ACSM2A: variants seen among roughly 807,000 people sequenced by gnomAD.
ACSM2A encodes acyl-coenzyme A synthetase ACSM2A, mitochondrial.
In ACSM2A, 72 loss-of-function variants were observed where a neutral mutation model predicts 76.6. The observed-to-expected ratio is 0.94, with a 90% CI of 0.78 to 1.14. The LOEUF is 1.14. ACSM2A is among the 50% of genes most tolerant of loss of function. The pLI, the probability that ACSM2A is intolerant of heterozygous loss-of-function variation, is 0.00. For missense variants in ACSM2A, 684 were observed against 708.5 expected (o/e 0.97, Z 0.39); for synonymous variants, 249 against 255.9 (o/e 0.97, Z 0.26).
At chr16:20,467,901 A>G (rs759684595) in intron 3 of ACSM2A, among the ~76,000 whole-genome samples, 15 of 152,086 alleles carry the variant, frequency 9.9e-5, no homozygotes, top group Non-Finnish European at 2.2e-4. Context: ...AACCTCCTTC[A>G]CAAACTGCCC....
intron 13 of ACSM2A, 146 bp downstream of exon 13, chr16:20,483,323 A>C (rs568574847): frequency 1.5e-6 from 2 of 1,331,858 alleles, no homozygotes. Context: ...TAATCCCAGC[A>C]CTTTGGGAGG....
Position 20,475,485 on chromosome 16 carries a change from C to T in ACSM2A, c.974+44C>T, listed in dbSNP as rs539620899. 8 of 1,610,510 alleles carry T rather than the reference C, an allele frequency of 5.0e-6. No individual in the cohort carries two copies. In the Admixed American group the frequency reaches 8.4e-5, roughly 17 times the overall value. ...TTGGTAAGAGAGTCTGGCCCCATCC[C>T]CCTGACTCCCTCACATACATTCATG... On this transcript the variant is annotated intron_variant, in intron 7 of 13. Coordinates refer to ENST00000573854, the MANE Select transcript of ACSM2A (RefSeq NM_001308172.2).
At chr16:20,464,832 G>A (rs1189340512) in intron 2 of ACSM2A, among the ~76,000 whole-genome samples, 3 of 152,130 alleles carry the variant, frequency 2.0e-5, no homozygotes, top group Non-Finnish European at 4.4e-5. Flanking sequence ...TTTCATTTTG[G>A]ATGATGAAAA....
At chr16:20,452,663 AT>A (rs1452069683) in intron 1 of ACSM2A, among the ~76,000 whole-genome samples, 5 of 143,724 alleles carry the variant, frequency 3.5e-5, no homozygotes, top group African/African-American at 1.3e-4. Context: ...ACTAATACAG[AT>A]TTTGGTACCA....
chr16:20,466,222 C>T (rs1288722840), intron 3 of ACSM2A, among the ~76,000 whole-genome samples: 2 of 152,100 alleles, frequency 1.3e-5, no homozygotes, highest in African/African-American at 4.8e-5. Flanking sequence ...AAAATATTTA[C>T]TATTTGGCCC....
At chr16:20,478,118 A>G (rs2013855363) in intron 9 of ACSM2A, among the ~76,000 whole-genome samples, 1 of 152,200 alleles carries the variant, frequency 6.6e-6, no homozygotes, top group Non-Finnish European at 1.5e-5. Context: ...CCCCTTTCTT[A>G]GTATCTTATT....
At chr16:20,462,357 T>C (rs910368902) in intron 2 of ACSM2A, among the ~76,000 whole-genome samples, 7 of 152,028 alleles carry the variant, frequency 4.6e-5, no homozygotes, top group South Asian at 2.1e-4. Flanking sequence ...AAGAAGGGAG[T>C]TGGTTTCAGG....
chr16:20,483,223 T>A (rs1343289935), intron 13 of ACSM2A, 46 bp downstream of exon 13: 4 of 1,603,892 alleles, frequency 2.5e-6, no homozygotes, highest in Non-Finnish European at 3.4e-6. Context: ...AGAAATAGAT[T>A]GTTTTCCTGT....
Position 20,475,970 on chromosome 16 carries a change from A to G in ACSM2A, c.1098+197A>G, listed in dbSNP as rs1045937017. 6 of 1,318,778 alleles carry G rather than the reference A, an allele frequency of 4.5e-6. No homozygotes were observed. The African/African-American group carries it at 7.5e-5, about 16-fold the overall frequency. The allele number at this position is 1,318,778 out of a possible 1,614,324, so 81.7% of individuals were successfully genotyped here. On this transcript the variant is annotated intron_variant, in intron 8 of 13. Coordinates refer to ENST00000573854, the MANE Select transcript of ACSM2A (RefSeq NM_001308172.2). ...AGGCAAAGTTCCTGTTTTCTGGGAG[A>G]TTACATTCCAGTGAGATTTGGGGAG...
At chr16:20,469,269 A>G (rs1434623116) in intron 3 of ACSM2A, among the ~76,000 whole-genome samples, 2 of 152,180 alleles carry the variant, frequency 1.3e-5, no homozygotes, top group East Asian at 3.9e-4. Context: ...CAACAATGTG[A>G]CATTAGCAAT....
chr16:20,477,173 A>T (rs1205716305), intron 8 of ACSM2A, 196 bp from the exon 9 acceptor site: 2 of 993,446 alleles, frequency 2.0e-6, no homozygotes, highest in African/African-American at 1.6e-5. Context: ...TGCTTCCTGA[A>T]CTAACAATTT....
chr16:20,484,216 C>T lies in ACSM2A; in HGVS notation c.1629+1039C>T, dbSNP rs183371367. Among the ~76,000 whole-genome samples, 321 of 149,832 alleles carry T rather than the reference C, an allele frequency of 2.1e-3. 4 individuals carry two copies. Among genetic ancestry groups the T allele is most frequent in the Middle Eastern group, 0.014 (4 of 292 alleles). On this transcript the variant is annotated intron_variant, in intron 13 of 13. Transcript: ENST00000573854. ...GGGAGAGAGCTGCCCTACCCCATGA[C>T]ATGGACTGAGAGGGAGGGGTGGCTC...
chr16:20,463,063 C>T (rs2012729475), intron 2 of ACSM2A, among the ~76,000 whole-genome samples: 1 of 122,714 alleles, frequency 8.1e-6, no homozygotes, highest in African/African-American at 3.3e-5. Context: ...AGGGGAACAT[C>T]ACACACTGGG....
intron 1 of ACSM2A, among the ~76,000 whole-genome samples, chr16:20,455,160 A>T (rs1166445394): frequency 9.9e-5 from 15 of 151,242 alleles, no homozygotes; most frequent in African/African-American, 2.4e-4. Context: ...TTAAATGATC[A>T]AATCTAAGAA....
In ACSM2A at chr16:20,487,038, G is replaced by A. The variant is rs2014417337; in HGVS notation, c.*360G>A. The A allele has an allele frequency of 1.8e-5, 3 of 170,420 alleles. No individual in the cohort carries two copies. Among genetic ancestry groups the A allele is most frequent in the Non-Finnish European group, 2.5e-5 (2 of 81,266 alleles). 10.6% of individuals were successfully genotyped at this position (170,420 alleles called of 1,614,324 possible). On this transcript the variant is annotated 3_prime_UTR_variant, in exon 14 of 14. Coordinates refer to ENST00000573854, the MANE Select transcript of ACSM2A (RefSeq NM_001308172.2). ...GGAGATGAAAGGGGGAGAAAAGATA[G>A]AAGAAAAATAATTGAAGGGAGAATC...
intron 4 of ACSM2A, chr16:20,470,776 A>G (rs1463708948): frequency 1.2e-5 from 7 of 569,950 alleles, no homozygotes; most frequent in South Asian, 1.1e-4. Context: ...CTTTGGTGGT[A>G]GAGATAACTC....
intron 1 of ACSM2A, among the ~76,000 whole-genome samples, chr16:20,457,052 G>A (rs960245565): frequency 6.6e-6 from 1 of 151,962 alleles, no homozygotes; most frequent in African/African-American, 2.4e-5. Flanking sequence ...AAAAAACTTG[G>A]AGGAGATGGA....
At chr16:20,480,784 G>A (rs367751844) in intron 11 of ACSM2A, 38 bp from the exon 12 acceptor site, 102 of 1,613,656 alleles carry the variant, frequency 6.3e-5, no homozygotes, top group African/African-American at 4.7e-4. Flanking sequence ...CTAGAGGTTC[G>A]GTGTCCAGTG....
chr16:20,470,783 A>G (rs1455749785), intron 4 of ACSM2A: 1 of 584,372 alleles, frequency 1.7e-6, no homozygotes, highest in South Asian at 1.5e-5. Flanking sequence ...GGTAGAGATA[A>G]CTCTATAAGA....
Sources: allele counts gnomAD v4.1 joint callset (sites outside exome capture counted in the v4.1 genomes callset), GRCh38; gene constraint gnomAD v4.1.1; transcripts MANE v1.5; gene names NCBI Gene and HGNC (gene_info 2026-07-23, HGNC 2026-07-21).